Variants in SERPINA7 observed in about 807,000 individuals in gnomAD.
SERPINA7 encodes serpin family A member 7, also known as thyroxine-binding globulin.
In SERPINA7, 14 loss-of-function variants were observed where a neutral mutation model predicts 16.0. That is an observed-to-expected ratio of 0.88 (90% CI 0.58 to 1.37). The LOEUF (loss-of-function observed/expected upper bound fraction) is 1.37. SERPINA7 is among the 40% of genes most tolerant of loss of function. The pLI, the probability that SERPINA7 is intolerant of heterozygous loss-of-function variation, is 0.00. For synonymous variants in SERPINA7, 140 were observed against 111.0 expected, an observed-to-expected ratio of 1.26 and a Z score of -1.65; for missense variants, 335 against 296.6, an observed-to-expected ratio of 1.13 and a Z score of -0.95.
At chrX:106,037,137 C>G (rs2041458351) in intron 1 of SERPINA7, 62 bp from the exon 2 acceptor site, 6 of 919,229 alleles carry the variant, frequency 6.5e-6, no homozygotes, top group Non-Finnish European at 1.6e-6. Context: ...ACTCCCTGAG[C>G]CAGAGACACA....
intron 1 of SERPINA7, among the ~76,000 whole-genome samples, chrX:106,038,006 C>T (rs1296277816): frequency 3.6e-5 from 4 of 111,347 alleles, no homozygotes; most frequent in African/African-American, 1.3e-4. Context: ...CCTCCATCTT[C>T]TTCCTGAGTG....
In SERPINA7 at chrX:106,035,399, G is replaced by T. The variant is rs763298836; in HGVS notation, c.623-14C>A. ...TTGCCCACTGGGCTTAAAATACAAA[G>T]AAAAGAGAGGTGTTTATTTTAAACC... On this transcript the variant is annotated splice_polypyrimidine_tract_variant and intron_variant, in intron 2 of 4. Coordinates refer to ENST00000372563, the MANE Select transcript of SERPINA7 (RefSeq NM_000354.6). 8.3e-7 allele frequency: 1 copy of T among 1,203,245 alleles called. No homozygotes were observed.
Position 106,037,062 on chromosome X carries a change from G to T in SERPINA7, c.-4C>A, listed in dbSNP as rs2147843272. 8.3e-7 allele frequency: 1 copy of T among 1,208,277 alleles called. No individual in the cohort carries two copies. Among genetic ancestry groups the T allele is most frequent in the African/African-American group, 1.7e-5 (1 of 57,621 alleles). On this transcript the variant is annotated 5_prime_UTR_variant, in exon 2 of 5. Transcript: ENST00000372563. ...CCAGATACAGGAATGGTGACATTTT[G>T]GAAGGAAGTTAATCTATAAGAGATG...
chrX:106,038,498 C>A (rs766112492), intron 1 of SERPINA7, among the ~76,000 whole-genome samples, 200 bp downstream of exon 1: 1 of 111,029 alleles, frequency 9.0e-6, no homozygotes, highest in South Asian at 3.8e-4. Flanking sequence ...TCTATCCAAT[C>A]TCCATATCAT....
chrX:106,036,427 A>G lies in SERPINA7; in HGVS notation c.622+10T>C. The G allele has an allele frequency of 8.3e-7, 1 of 1,210,627 alleles. No individual in the cohort carries two copies. Among genetic ancestry groups the G allele is most frequent in the Non-Finnish European group, 1.1e-6 (1 of 894,703 alleles). ...GCCCTAGACTGAAAATTGACATCTG[A>G]AAGTCTTACCTTTAAAGTGAATATA... On this transcript the variant is annotated intron_variant, in intron 2 of 4. Transcript: ENST00000372563.
Position 106,033,199 on chromosome X carries a change from A to G in SERPINA7, c.*301T>C, listed in dbSNP as rs977123399. On this transcript the variant is annotated 3_prime_UTR_variant, in exon 5 of 5. Coordinates refer to ENST00000372563, the MANE Select transcript of SERPINA7 (RefSeq NM_000354.6). ...ATTCCCCAGAAGACAGAAAAGGGAAAATTTTTCAACCCAGTCAAATTTATT... is the reference window on the plus strand; with the variant it reads ...ATTCCCCAGAAGACAGAAAAGGGAAGATTTTTCAACCCAGTCAAATTTATT... The G allele has an allele frequency of 6.2e-6, 2 of 323,443 alleles. No individual in the cohort carries two copies. Among genetic ancestry groups the G allele is most frequent in the African/African-American group, 5.3e-5 (2 of 37,601 alleles). 26.7% of individuals were successfully genotyped at this position (323,443 alleles called of 1,213,427 possible). A position where few individuals can be genotyped will look rare whatever the true frequency, so the allele number is the denominator to read the frequency against.
intron 4 of SERPINA7, 88 bp downstream of exon 4, chrX:106,034,147 C>T: frequency 1.0e-6 from 1 of 981,079 alleles, no homozygotes; most frequent in Non-Finnish European, 1.4e-6. Flanking sequence ...CATCAGATTG[C>T]TAATTGGTAA....
intron 2 of SERPINA7, 101 bp downstream of exon 2, chrX:106,036,336 G>T (rs763625381): frequency 1.5e-4 from 135 of 882,742 alleles, no homozygotes; most frequent in Non-Finnish European, 2.1e-4. Context: ...GTGGTATGAG[G>T]GACACCTACT....
rs779084798 is a variant in SERPINA7, at chrX:106,036,702, C to T, written c.357G>A (p.Leu119=). 2.5e-5 allele frequency: 30 copies of T among 1,209,278 alleles called. No homozygotes were observed. Among genetic ancestry groups the T allele is most frequent in the Non-Finnish European group, 3.1e-5 (28 of 894,931 alleles). The part of the protein sequence containing the change: ...QHGFQHLICS[L]NFPKKELELQ... The stretch of plus-strand genomic sequence containing the variant: ...ATTCCAGTTCCTTCTTTGGAAAATT[C>T]AGTGAACAGATCAGATGCTGGAAGC... Residue 119 remains leucine, a synonymous_variant, in exon 2 of 5, where the codon CTG becomes CTA. Coordinates refer to ENST00000372563, the MANE Select transcript of SERPINA7 (RefSeq NM_000354.6).
At position 106,037,428 on chromosome X, in the gene SERPINA7, T is replaced by C. The variant is rs180966947; in HGVS notation, c.-17-353A>G. ...AGCCTTTTGGAGAGAGGGGATATTCTTAGGTTAAACTAGTACTCCCTCTGT... is the reference window on the plus strand; with the variant it reads ...AGCCTTTTGGAGAGAGGGGATATTCCTAGGTTAAACTAGTACTCCCTCTGT... On this transcript the variant is annotated intron_variant, in intron 1 of 4. Transcript: ENST00000372563. 46 of 198,207 alleles carry C rather than the reference T, an allele frequency of 2.3e-4. 2 individuals are homozygous for C. The Admixed American group carries it at 2.7e-3, about 12-fold the overall frequency. 16.3% of individuals were successfully genotyped at this position (198,207 alleles called of 1,213,427 possible).
At chrX:106,036,297 C>G (rs948243648) in intron 2 of SERPINA7, 140 bp downstream of exon 2, 1 of 667,595 alleles carries the variant, frequency 1.5e-6, no homozygotes, top group African/African-American at 2.2e-5. Context: ...CAATACTATT[C>G]ACAGCTATGT....
intron 3 of SERPINA7, 119 bp from the exon 4 acceptor site, chrX:106,034,501 C>CA (rs1379126477): frequency 1.5e-6 from 1 of 648,481 alleles, no homozygotes; most frequent in African/African-American, 2.2e-5. Context: ...TATTGATAAC[C>CA]ATTACTATGT....
In SERPINA7 at chrX:106,033,711, G is replaced by A. The variant is rs763283543; in HGVS notation, c.1045-8C>T. The A allele has an allele frequency of 1.9e-5, 23 of 1,209,128 alleles. No homozygotes were observed. The highest frequency in any genetic ancestry group is 8.8e-5 in the Admixed American group (4 of 45,689). On this transcript the variant is annotated splice_region_variant and splice_polypyrimidine_tract_variant and intron_variant, in intron 4 of 4. Coordinates refer to ENST00000372563, the MANE Select transcript of SERPINA7 (RefSeq NM_000354.6). ...CACAGCCTTATGGGCAGCCTGTGTG[G>A]GGAGAACAAATCCTGCGGGTCTCTG...
Position 106,033,658 on chromosome X carries a change from C to T in SERPINA7, c.1090G>A (p.Ala364Thr). The T allele has an allele frequency of 1.7e-6, 2 of 1,211,384 alleles. No homozygotes were observed. Among genetic ancestry groups the T allele is most frequent in the South Asian group, 1.8e-5 (1 of 56,996 alleles). Residue 364 changes from alanine to threonine, a missense_variant, in exon 5 of 5, where the codon GCT becomes ACT. By Grantham distance (58) the Ala-to-Thr change is moderately conservative (BLOSUM62 0). Transcript: ENST00000372563. Reference sequence around the variant, plus strand: ...AGTTCAACTTCAGGGACAGCTGCAGCTTCAGTTCCCTTTTCACCAATGTGC... The same window carrying T: ...AGTTCAACTTCAGGGACAGCTGCAGTTTCAGTTCCCTTTTCACCAATGTGC... ...VLHIGEKGTE[A>T]AAVPEVELSD...
chrX:106,035,501 C>T, intron 2 of SERPINA7, 116 bp from the exon 3 acceptor site: 2 of 716,398 alleles, frequency 2.8e-6, no homozygotes, highest in Non-Finnish European at 4.3e-6. Flanking sequence ...TAGGTACCTA[C>T]AGTCAACCAG....
Position 106,036,705 on chromosome X carries a change from T to C in SERPINA7, c.354A>G (p.Ser118=). ...IQHGFQHLIC[S]LNFPKKELEL... is the part of the protein sequence containing the mutation. ...CCAGTTCCTTCTTTGGAAAATTCAG[T>C]GAACAGATCAGATGCTGGAAGCCAT... is the stretch of plus-strand genomic sequence containing the variant. Residue 118 remains serine (S), a synonymous_variant, in exon 2 of 5, where the codon TCA becomes TCG. Coordinates refer to ENST00000372563, the MANE Select transcript of SERPINA7 (RefSeq NM_000354.6). The C allele has an allele frequency of 8.3e-7, 1 of 1,211,224 alleles. No homozygotes were observed. The highest frequency in any genetic ancestry group is 1.1e-6 in the Non-Finnish European group (1 of 895,239).
Position 106,034,373 on chromosome X carries a change from G to A in SERPINA7, c.906C>T (p.Asp302=). ...AAATGGAAAACTTTGGAACAAACAA[G>A]TCAACCCATCTGTGGGAAAAGAGGA... The part of the protein sequence containing the change: ...WNRLLQKGWV[D]LFVPKFSISA... The change falls in exon 4 of 5, where the codon GAC becomes GAT. Residue 302 remains aspartate (D), a synonymous_variant. Transcript: ENST00000372563. 1 of 1,206,625 alleles carries A rather than the reference G, an allele frequency of 8.3e-7. No individual in the cohort carries two copies. The highest frequency in any genetic ancestry group is 3.0e-5 in the East Asian group (1 of 33,774).
At chrX:106,034,788 T>C (rs2041435870) in intron 3 of SERPINA7, among the ~76,000 whole-genome samples, 1 of 111,799 alleles carries the variant, frequency 8.9e-6, no homozygotes, top group African/African-American at 3.3e-5. Context: ...CTTTGAGCTC[T>C]AGTTGGTCTA....
At chrX:106,036,344 A>ACC in intron 2 of SERPINA7, 93 bp downstream of exon 2, 1 of 956,975 alleles carries the variant, frequency 1.0e-6, no homozygotes. Context: ...AGGGACACCT[A>ACC]CTGATGCCAG....
Sources: allele counts gnomAD v4.1 joint callset (sites outside exome capture counted in the v4.1 genomes callset), GRCh38; gene constraint gnomAD v4.1.1; transcripts MANE v1.5; gene names NCBI Gene and HGNC (gene_info 2026-07-23, HGNC 2026-07-21).